Variants in RNF213 observed in about 807,000 individuals in gnomAD.
RNF213 encodes the protein ring finger protein 213, also known as E3 ubiquitin-protein ligase RNF213.
Under a neutral mutation model 514.4 loss-of-function variants are expected in RNF213, and 341 were observed. The ratio of observed to expected loss-of-function variants is 0.66; its 90% CI spans 0.61 to 0.73. The LOEUF is 0.73. RNF213 is among the 30% of genes least tolerant of loss of function. RNF213 has a pLI of 0.00. For missense variants in RNF213, 5,767 were observed against 6,615.6 expected, an observed-to-expected ratio of 0.87 and a Z score of 4.45; for synonymous variants, 2,655 against 2,658.2, an observed-to-expected ratio of 1.00 and a Z score of 0.04.
rs1322628708 is a variant in RNF213, at chr17:80,353,034, G to C, written c.10398G>C (p.Leu3466=). The change falls in exon 33 of 68, where the codon CTG becomes CTC. Residue 3466 remains leucine (L), a synonymous_variant. Transcript: ENST00000582970. The surrounding 1 kb of genome is among the most constrained non-coding windows in gnomAD (Gnocchi z 5.0). The stretch of plus-strand genomic sequence containing the variant: ...TGCAGCATGTCACCATCAGCCAGCT[G>C]TTCGCGCCCGGAGACTTGCCTGAGC... ...TRLQHVTISQ[L]FAPGDLPELG... 2 of 1,613,262 alleles carry C rather than the reference G, an allele frequency of 1.2e-6. No individual in the cohort carries two copies. Among genetic ancestry groups the C allele is most frequent in the Admixed American group, 1.7e-5 (1 of 60,032 alleles).
At chr17:80,299,545 T>C (rs1402137018) in intron 11 of RNF213, among the ~76,000 whole-genome samples, 2 of 151,796 alleles carry the variant, frequency 1.3e-5, no homozygotes, top group African/African-American at 4.8e-5. Context: ...TTTATTTATT[T>C]ATTTATTTAT....
At chr17:80,322,112 G>A (rs2046155504) in intron 17 of RNF213, among the ~76,000 whole-genome samples, 1 of 149,564 alleles carries the variant, frequency 6.7e-6, no homozygotes, top group South Asian at 2.1e-4. Context: ...TATCTTCTTT[G>A]GAGAAATGTT....
chr17:80,279,054 T>G, intron 3 of RNF213: 1 of 1,074,222 alleles, frequency 9.3e-7, no homozygotes, highest in Non-Finnish European at 1.3e-6. Context: ...CGGGTCACCC[T>G]TGGGCTGTGA....
chr17:80,372,298 AATTAG>A (rs2079547881), intron 47 of RNF213, among the ~76,000 whole-genome samples: 1 of 152,020 alleles, frequency 6.6e-6, no homozygotes, highest in Admixed American at 6.6e-5. Flanking sequence ...AATGTAAATA[AATTAG>A]ATAATTTTTT....
intron 37 of RNF213, among the ~76,000 whole-genome samples, 185 bp from the exon 38 acceptor site, chr17:80,359,874 AAG>A (rs1231720384): frequency 7.2e-5 from 11 of 152,212 alleles, no homozygotes; most frequent in Non-Finnish European, 1.0e-4. Flanking sequence ...AAGATTGCAT[AAG>A]ACAGTTCCCT....
At chr17:80,326,713 G>A (rs1401289367) in intron 18 of RNF213, among the ~76,000 whole-genome samples, 2 of 152,146 alleles carry the variant, frequency 1.3e-5, no homozygotes, top group Non-Finnish European at 2.9e-5. Flanking sequence ...TTTCCTCCAT[G>A]TCTTTTCATG....
intron 55 of RNF213, among the ~76,000 whole-genome samples, 188 bp from the exon 56 acceptor site, chr17:80,380,643 G>A (rs2079955856): frequency 6.6e-6 from 1 of 152,162 alleles, no homozygotes; most frequent in Non-Finnish European, 1.5e-5. Flanking sequence ...GGTCGGGTCT[G>A]GTCCACCGGA....
chr17:80,388,941 G>A, intron 64 of RNF213: 1 of 621,982 alleles, frequency 1.6e-6, no homozygotes. Context: ...GAAGCGGGAA[G>A]TCCATGGAAC....
At position 80,343,984 on chromosome 17, in the gene RNF213, C is replaced by T. The variant is rs143394069; in HGVS notation, c.6311C>T (p.Thr2104Met). The change falls in exon 28 of 68, where the codon ACG becomes ATG. Residue 2104 changes from threonine (T) to methionine (M), a missense_variant. Transcript: ENST00000582970. The surrounding 1 kb of genome is among the most constrained non-coding windows in gnomAD (Gnocchi z 4.3). ...ATCGTTGAAATCCTGGAAAGGAGGA[C>T]GTCAGTGCCGTCGAGGAGCTCTTCA... ...LYIVEILERR[T>M]SVPSRSSSAL... 8.6e-5 allele frequency: 139 copies of T among 1,614,074 alleles called. No homozygotes were observed. The highest frequency in any genetic ancestry group is 1.1e-4 in the Non-Finnish European group (124 of 1,180,050).
rs1224680449 is a variant in RNF213 at position 80,343,493 on chromosome 17, C to T, written c.6183+168C>T. Among the ~76,000 whole-genome samples the T allele has an allele frequency of 6.6e-6, 1 of 152,154 alleles. No homozygotes were observed. Among genetic ancestry groups the T allele is most frequent in the Admixed American group, 6.5e-5 (1 of 15,274 alleles). ...GAAGTGTGTTGTCAGGCAGTTTCCTCCTTGTGTGAACGTCATGGTGTGCGC... is the reference window on the plus strand; with the variant it reads ...GAAGTGTGTTGTCAGGCAGTTTCCTTCTTGTGTGAACGTCATGGTGTGCGC... On this transcript the variant is annotated intron_variant, in intron 27 of 67. Coordinates refer to ENST00000582970, the MANE Select transcript of RNF213 (RefSeq NM_001256071.3). This position sits in a 1 kb window ranked among gnomAD's most constrained non-coding sequence, Gnocchi z 4.3.
chr17:80,337,465 C>G, intron 23 of RNF213, 121 bp from the exon 24 acceptor site: 1 of 1,348,422 alleles, frequency 7.4e-7, no homozygotes, highest in Non-Finnish European at 1.0e-6. Flanking sequence ...GTCCTGAGCC[C>G]TGGGGAAGCG....
At chr17:80,273,829 A>G (rs2043919337) in intron 3 of RNF213, among the ~76,000 whole-genome samples, 1 of 152,046 alleles carries the variant, frequency 6.6e-6, no homozygotes, top group Admixed American at 6.5e-5. Flanking sequence ...CATGTTGGTC[A>G]GGTTGGTCTC....
chr17:80,305,184 C>CT lies in RNF213; in HGVS notation c.2211-1055dup, dbSNP rs71163950. On this transcript the variant is annotated intron_variant, in intron 11 of 67. Coordinates refer to ENST00000582970, the MANE Select transcript of RNF213 (RefSeq NM_001256071.3). ...ATGAGCCACTGCACCCAGCAGTGAA[C>CT]TTTTTTTTTTTTTGAGACAGTTTTG... Among the ~76,000 whole-genome samples the CT allele has an allele frequency of 8.2e-4, 104 of 127,320 alleles. 2 individuals carry two copies. Among genetic ancestry groups the CT allele is most frequent in the East Asian group, 3.8e-3 (17 of 4,432 alleles). 83.5% of individuals were successfully genotyped at this position (127,320 alleles called of 152,430 possible).
At chr17:80,387,279 T>C (rs957640536) in intron 63 of RNF213, among the ~76,000 whole-genome samples, 17 of 151,406 alleles carry the variant, frequency 1.1e-4, no homozygotes, top group African/African-American at 3.9e-4. Flanking sequence ...CTAATTTGTG[T>C]ATTTTTTGGT....
Position 80,332,508 on chromosome 17 carries a change from C to A in RNF213, c.4020C>A (p.Val1340=). 1 of 1,537,018 alleles carries A rather than the reference C, an allele frequency of 6.5e-7. No individual in the cohort carries two copies. The highest frequency in any genetic ancestry group is 8.7e-7 in the Non-Finnish European group (1 of 1,146,870). ...QDQRDWIKDR[V]EQIKEYHHLH... is the part of the protein sequence containing the mutation. ...AAAGAGATTGGATCAAGGACCGAGT[C>A]GAACAGATCAAGGAATACCATCACC... Residue 1340 remains valine (V), a synonymous_variant, in exon 21 of 68, where the codon GTC becomes GTA. Transcript: ENST00000582970.
At position 80,370,576 on chromosome 17, in the gene RNF213, C is replaced by CT. The variant is rs1010380403; in HGVS notation, c.12425+711dup. On this transcript the variant is annotated intron_variant, in intron 46 of 67. Coordinates refer to ENST00000582970, the MANE Select transcript of RNF213 (RefSeq NM_001256071.3). Reference sequence around the variant, plus strand: ...TTCACCGCCATGCACACGTGGTTTTCTTCATGCCAGTTTCATTTTAGTTTT... The same window carrying CT: ...TTCACCGCCATGCACACGTGGTTTTCTTTCATGCCAGTTTCATTTTAGTTTT... 2.1e-4 allele frequency among the ~76,000 whole-genome samples: 32 copies of CT among 152,290 alleles called. 1 individual carries two copies. The highest frequency in any genetic ancestry group is 3.4e-3 in the Middle Eastern group (1 of 294).
chr17:80,307,154 G>T lies in RNF213; in HGVS notation c.2454G>T (p.Gln818His). The change falls in exon 13 of 68, where the codon CAG (glutamine) becomes CAT (histidine). Residue 818 changes from glutamine to histidine, a missense_variant. Gln to His is a conservative substitution (Grantham distance 24). This residue lies in a region of RNF213 where 592 missense variants were observed against 673.9 expected (regional missense o/e 0.88). Coordinates refer to ENST00000582970, the MANE Select transcript of RNF213 (RefSeq NM_001256071.3). Reference sequence around the variant, plus strand: ...ATGTTCAGGATGTTCAGAACGTTCAGAACATTTTAGAAATGCTGTTGCGAC... The same window carrying T: ...ATGTTCAGGATGTTCAGAACGTTCATAACATTTTAGAAATGCTGTTGCGAC... The part of the protein sequence containing the change: ...TQDVQDVQNV[Q>H]NILEMLLRLL... The T allele has an allele frequency of 6.2e-7, 1 of 1,613,756 alleles. No individual in the cohort carries two copies. The highest frequency in any genetic ancestry group is 1.1e-5 in the South Asian group (1 of 91,042).
intron 29 of RNF213, among the ~76,000 whole-genome samples, chr17:80,349,499 A>G (rs2144172210): frequency 6.6e-6 from 1 of 152,274 alleles, no homozygotes; most frequent in South Asian, 2.1e-4. Context: ...GTACGGACCA[A>G]GCAGGCAGAG....
intron 44 of RNF213, 26 bp from the exon 45 acceptor site, chr17:80,369,476 C>T (rs542934163): frequency 6.2e-7 from 1 of 1,607,198 alleles, no homozygotes; most frequent in East Asian, 2.2e-5. Context: ...CACCATCCAC[C>T]TGTCTTCTGT....
Sources: allele counts gnomAD v4.1 joint callset (sites outside exome capture counted in the v4.1 genomes callset), GRCh38; gene constraint gnomAD v4.1.1; regional missense constraint gnomAD v4.1.1; non-coding constraint Gnocchi (gnomAD v3.1); transcripts MANE v1.5; gene names NCBI Gene and HGNC (gene_info 2026-07-23, HGNC 2026-07-21).